The following SERPINB10 variants were observed in gnomAD, a reference collection of about 807,000 sequenced individuals.
SERPINB10 encodes serpin family B member 10.
SERPINB10 carries 35 observed loss-of-function variants against 39.1 expected under a neutral mutation model. That is an observed-to-expected ratio of 0.90 (90% CI 0.68 to 1.19). The LOEUF is 1.19. SERPINB10 is among the 50% of genes most tolerant of loss of function. The pLI, the probability that SERPINB10 is intolerant of heterozygous loss-of-function variation, is 0.00. For missense variants in SERPINB10, 546 were observed against 460.5 expected, an observed-to-expected ratio of 1.19 and a Z score of -1.70; for synonymous variants, 190 against 158.1, an observed-to-expected ratio of 1.20 and a Z score of -1.52.
Position 63,933,049 on chromosome 18 carries a change from C to A in SERPINB10, c.635C>A (p.Thr212Asn). Residue 212 changes from threonine (T) to asparagine (N), a missense_variant and splice_region_variant, in exon 7 of 8, where the codon ACT (threonine) becomes AAT (asparagine). Thr to Asn is a moderately conservative substitution (Grantham distance 65). Coordinates refer to ENST00000238508, the MANE Select transcript of SERPINB10 (RefSeq NM_005024.3). ...TTEKPFRINETTSKPVQMMFM... is the reference protein window; with the variant it reads ...TTEKPFRINENTSKPVQMMFM... ...TTTTTGTTTTTTTGTTTTTTTTAGA[C>A]TACAAGCAAACCAGTGCAAATGATG... 2 of 1,610,076 alleles carry A rather than the reference C, an allele frequency of 1.2e-6. No individual in the cohort carries two copies. The highest frequency in any genetic ancestry group is 1.7e-6 in the Non-Finnish European group (2 of 1,178,990).
chr18:63,934,901 T>C lies in SERPINB10; in HGVS notation c.853T>C (p.Tyr285His). 1 of 1,614,180 alleles carries C rather than the reference T, an allele frequency of 6.2e-7. No homozygotes were observed. The highest frequency in any genetic ancestry group is 1.1e-5 in the South Asian group (1 of 91,084). The change falls in exon 8 of 8, where the codon TAT becomes CAT. Residue 285 changes from tyrosine (Y) to histidine (H), a missense_variant. Coordinates refer to ENST00000238508, the MANE Select transcript of SERPINB10 (RefSeq NM_005024.3). ...GACCAGTGCAGACATGATGGAGTTG[T>C]ATGAAGTGCAGCTACACCTTCCCAA... ...EWTSADMMEL[Y>H]EVQLHLPKFK...
At chr18:63,933,012 T>A in intron 6 of SERPINB10, 36 bp from the exon 7 acceptor site, 3 of 1,592,184 alleles carry the variant, frequency 1.9e-6, no homozygotes, top group Non-Finnish European at 2.6e-6. Context: ...TTCAATGACC[T>A]TGTTACCTGT....
intron 5 of SERPINB10, among the ~76,000 whole-genome samples, chr18:63,921,599 T>C (rs2144728651): frequency 6.6e-6 from 1 of 152,068 alleles, no homozygotes; most frequent in South Asian, 2.1e-4. Context: ...TCTTGTTCCC[T>C]TCAAATCTAA....
intron 6 of SERPINB10, among the ~76,000 whole-genome samples, chr18:63,931,417 CCACAGTA>C (rs1281976688): frequency 6.6e-6 from 1 of 152,134 alleles, no homozygotes; most frequent in African/African-American, 2.4e-5. Flanking sequence ...CTGGAAACAA[CCACAGTA>C]TGCTAGAGTA....
intron 2 of SERPINB10, among the ~76,000 whole-genome samples, chr18:63,916,499 A>G (rs892287379): frequency 6.6e-6 from 1 of 152,022 alleles, no homozygotes; most frequent in African/African-American, 2.4e-5. Flanking sequence ...GGCAGAACAC[A>G]TGCTATATTA....
intron 5 of SERPINB10, among the ~76,000 whole-genome samples, chr18:63,925,669 A>C (rs927004983): frequency 4.6e-5 from 7 of 152,054 alleles, no homozygotes; most frequent in African/African-American, 1.7e-4. Context: ...AAATAAATGA[A>C]GAAGGGAAGG....
At chr18:63,933,885 T>G (rs1216382733) in intron 7 of SERPINB10, among the ~76,000 whole-genome samples, 2 of 152,178 alleles carry the variant, frequency 1.3e-5, no homozygotes, top group African/African-American at 2.4e-5. Context: ...ATTTTTCACA[T>G]GTGTCAGACT....
chr18:63,933,295 G>C (rs1272341471), intron 7 of SERPINB10, 92 bp downstream of exon 7: 1 of 1,374,564 alleles, frequency 7.3e-7, no homozygotes, highest in Non-Finnish European at 1.0e-6. Context: ...ATTGTCCTCA[G>C]GAAGAATGTT....
At chr18:63,913,691 A>G (rs1352880679) in intron 1 of SERPINB10, among the ~76,000 whole-genome samples, 2 of 152,028 alleles carry the variant, frequency 1.3e-5, no homozygotes, top group South Asian at 2.1e-4. Context: ...ATGGCTGAGC[A>G]TGTAATCAAT....
chr18:63,935,483 A>T lies in SERPINB10; in HGVS notation c.*241A>T, dbSNP rs575571765. On this transcript the variant is annotated 3_prime_UTR_variant, in exon 8 of 8. Transcript: ENST00000238508. ...TTTGTCTAATGTGACTTTCATTTACATTTCAGAAGTACTATGCTATTCAAC... is the reference window on the plus strand; with the variant it reads ...TTTGTCTAATGTGACTTTCATTTACTTTTCAGAAGTACTATGCTATTCAAC... 1.4e-5 allele frequency: 6 copies of T among 438,270 alleles called. No individual in the cohort carries two copies. In the South Asian group the frequency reaches 2.8e-4, roughly 21 times the overall value. The allele number at this position is 438,270 out of a possible 1,614,324, so 27.1% of individuals were successfully genotyped here.
chr18:63,924,386 T>A (rs760496904), intron 5 of SERPINB10, among the ~76,000 whole-genome samples: 2 of 151,964 alleles, frequency 1.3e-5, no homozygotes, highest in Non-Finnish European at 2.9e-5. Context: ...AGCTAATGTA[T>A]TTGTAGCCCA....
At chr18:63,925,990 C>T (rs2050178655) in intron 5 of SERPINB10, among the ~76,000 whole-genome samples, 2 of 151,992 alleles carry the variant, frequency 1.3e-5, no homozygotes, top group African/African-American at 2.4e-5. Flanking sequence ...TTGAGAAGAA[C>T]ACAGCATGAC....
rs372099565 is a variant in SERPINB10 at position 63,931,689 on chromosome 18, G to A, written c.634-1359G>A. ...ATGTCCCCCCTTCAACACACACACA[G>A]TTTCCCTTATTATTAACATCTTACA... On this transcript the variant is annotated intron_variant, in intron 6 of 7. Coordinates refer to ENST00000238508, the MANE Select transcript of SERPINB10 (RefSeq NM_005024.3). 3.9e-4 allele frequency among the ~76,000 whole-genome samples: 59 copies of A among 152,186 alleles called. No individual in the cohort carries two copies. The East Asian group carries it at 6.6e-3, about 17-fold the overall frequency.
In SERPINB10 at chr18:63,930,085, C is replaced by A. The variant is rs2050210652; in HGVS notation, c.531C>A (p.Ser177=). 2 of 1,613,344 alleles carry A rather than the reference C, an allele frequency of 1.2e-6. No homozygotes were observed. The highest frequency in any genetic ancestry group is 1.7e-6 in the Non-Finnish European group (2 of 1,179,646). The change falls in exon 6 of 8, where the codon TCC becomes TCA. Residue 177 remains serine (S), a synonymous_variant. Transcript: ENST00000238508. ...QNLLPDDSVD[S]TTRMILVNAL... is the part of the protein sequence containing the mutation. ...TCCTGCCTGATGACTCTGTGGATTCCACAACCAGGATGATTCTGGTGAACG... is the reference window on the plus strand; with the variant it reads ...TCCTGCCTGATGACTCTGTGGATTCAACAACCAGGATGATTCTGGTGAACG...
At position 63,933,083 on chromosome 18, in the gene SERPINB10, G is replaced by T. The variant is rs534868486; in HGVS notation, c.669G>T (p.Lys223Asn). ...AACCAGTGCAAATGATGTTTATGAA[G>T]AAAAAGCTTCACATTTTTCACATAG... ...TSKPVQMMFM[K>N]KKLHIFHIEK... The change falls in exon 7 of 8, where the codon AAG (lysine) becomes AAT (asparagine). Residue 223 changes from lysine (K) to asparagine (N), a missense_variant. Physicochemically the swap from Lys to Asn is moderately conservative, Grantham distance 94 (BLOSUM62 0). Coordinates refer to ENST00000238508, the MANE Select transcript of SERPINB10 (RefSeq NM_005024.3). The T allele has an allele frequency of 1.2e-6, 2 of 1,613,788 alleles. No homozygotes were observed. The highest frequency in any genetic ancestry group is 4.5e-5 in the East Asian group (2 of 44,862).
intron 5 of SERPINB10, among the ~76,000 whole-genome samples, chr18:63,922,398 C>CAGGCAA (rs2050152620): frequency 1.3e-5 from 2 of 152,056 alleles, no homozygotes; most frequent in South Asian, 4.1e-4. Flanking sequence ...TTTGATTGTA[C>CAGGCAA]AGGCAAAAGT....
chr18:63,921,755 T>C, intron 5 of SERPINB10, among the ~76,000 whole-genome samples: 1 of 151,882 alleles, frequency 6.6e-6, no homozygotes, highest in East Asian at 1.9e-4. Flanking sequence ...AGGGCCAATA[T>C]GACTGTGGAG....
intron 6 of SERPINB10, among the ~76,000 whole-genome samples, chr18:63,931,043 G>T (rs2050218541): frequency 6.6e-6 from 1 of 152,200 alleles, no homozygotes; most frequent in African/African-American, 2.4e-5. Context: ...TTAACGAGAA[G>T]TGAGCTGGAT....
chr18:63,922,613 C>T (rs887791350), intron 5 of SERPINB10, among the ~76,000 whole-genome samples: 2 of 151,984 alleles, frequency 1.3e-5, no homozygotes, highest in Non-Finnish European at 1.5e-5. Context: ...GCCAAGAAGA[C>T]AGCTGTTGTC....
Sources: gnomAD v4.1 joint callset for allele counts (sites outside exome capture counted in the v4.1 genomes callset) on GRCh38, gnomAD v4.1.1 for gene constraint, MANE v1.5 for transcripts, NCBI Gene and HGNC (gene_info 2026-07-23, HGNC 2026-07-21) for gene names.